CAMKK2: variants seen among roughly 807,000 people sequenced by gnomAD.
The protein encoded by CAMKK2 is calcium/calmodulin-dependent protein kinase kinase 2.
Under a neutral mutation model 67.2 loss-of-function variants are expected in CAMKK2, and 30 were observed. The ratio of observed to expected loss-of-function variants is 0.45; its 90% CI spans 0.33 to 0.61. The LOEUF is 0.61. CAMKK2 is among the 20% of genes least tolerant of loss of function. The probability of loss-of-function intolerance (pLI) is 0.02; values close to 1 mark genes in which losing one functional copy is unlikely to be tolerated. For missense variants in CAMKK2, 643 were observed against 802.0 expected, an observed-to-expected ratio of 0.80 and a Z score of 2.39; for synonymous variants, 322 against 326.2, an observed-to-expected ratio of 0.99 and a Z score of 0.14.
chr12:121,274,451 T>C lies in CAMKK2; in HGVS notation c.76A>G (p.Ser26Gly), dbSNP rs768699149. 6.2e-7 allele frequency: 1 copy of C among 1,613,074 alleles called. No homozygotes were observed. ...CAGGGCTTCTGGCTTTCGCTGCTGC[T>C]GCTGCCCCTGCCCCCCAGCTCATCC... ...PQDELGGRGS[S>G]SSESQKPCEA... The change falls in exon 2 of 17, where the codon AGC (serine) becomes GGC (glycine). Residue 26 changes from serine to glycine, a missense_variant. Physicochemically the swap from Ser to Gly is moderately conservative, Grantham distance 56 (BLOSUM62 0). Coordinates refer to ENST00000404169, the MANE Select transcript of CAMKK2 (RefSeq NM_001270485.2).
Position 121,240,397 on chromosome 12 carries a change from G to C in CAMKK2, c.*302C>G. 6.7e-7 allele frequency: 1 copy of C among 1,484,526 alleles called. No individual in the cohort carries two copies. Among genetic ancestry groups the C allele is most frequent in the East Asian group, 2.5e-5 (1 of 40,604 alleles). 92.0% of individuals were successfully genotyped at this position (1,484,526 alleles called of 1,614,324 possible). On this transcript the variant is annotated 3_prime_UTR_variant, in exon 17 of 17. Coordinates refer to ENST00000404169, the MANE Select transcript of CAMKK2 (RefSeq NM_001270485.2). The surrounding 1 kb of genome is among the most constrained non-coding windows in gnomAD (Gnocchi z 4.4). ...ACGTGGTTCTGAAAATCACAATGAA[G>C]GATTTTTGGCATAAAAACGTTTTAA...
intron 1 of CAMKK2, among the ~76,000 whole-genome samples, chr12:121,275,139 G>A (rs1298623817): frequency 6.6e-6 from 1 of 152,082 alleles, no homozygotes; most frequent in Non-Finnish European, 1.5e-5. Flanking sequence ...GAAGCCCTAA[G>A]GAGGTTAATA....
rs1320784197 is a variant in CAMKK2 at position 121,266,325 on chromosome 12, T to C, written c.625+2313A>G. Among the ~76,000 whole-genome samples the C allele has an allele frequency of 2.0e-5, 3 of 151,784 alleles. No individual in the cohort carries two copies. In the East Asian group the frequency reaches 5.8e-4, roughly 29 times the overall value. On this transcript the variant is annotated intron_variant, in intron 5 of 16. Transcript: ENST00000404169. ...TCGTACGTTGTTACAGGACACCATT[T>C]GTTATTTTGTTAAGACAAGAGGTAA...
At chr12:121,289,822 G>A (rs1234442049) in intron 1 of CAMKK2, among the ~76,000 whole-genome samples, 1 of 151,704 alleles carries the variant, frequency 6.6e-6, no homozygotes, top group African/African-American at 2.4e-5. Context: ...GAACCCAGGA[G>A]GCAGAGGTTG....
intron 11 of CAMKK2, among the ~76,000 whole-genome samples, chr12:121,251,735 G>A (rs1345017843): frequency 2.6e-5 from 4 of 151,044 alleles, no homozygotes; most frequent in Admixed American, 1.3e-4. Flanking sequence ...GCTGAGGCAG[G>A]AGAATGGCTT....
chr12:121,284,096 C>T (rs1163197472), intron 1 of CAMKK2, among the ~76,000 whole-genome samples: 1 of 152,264 alleles, frequency 6.6e-6, no homozygotes, highest in Non-Finnish European at 1.5e-5. Context: ...CATCTCATGC[C>T]CTGCCTCTCC....
intron 1 of CAMKK2, among the ~76,000 whole-genome samples, chr12:121,283,384 G>A (rs1212981972): frequency 6.6e-6 from 1 of 152,106 alleles, no homozygotes; most frequent in Non-Finnish European, 1.5e-5. Flanking sequence ...AAAAACAAAG[G>A]CCCTCCCTTG....
intron 13 of CAMKK2, among the ~76,000 whole-genome samples, chr12:121,249,451 A>G (rs1890197959): frequency 6.6e-6 from 1 of 152,166 alleles, no homozygotes; most frequent in African/African-American, 2.4e-5. Context: ...TCTCAAAGGG[A>G]CGGGCCTTTG....
chr12:121,282,087 C>A (rs1369240557), intron 1 of CAMKK2, among the ~76,000 whole-genome samples: 1 of 152,044 alleles, frequency 6.6e-6, no homozygotes, highest in Non-Finnish European at 1.5e-5. Context: ...TCTTGGTGAA[C>A]GTCTATTAGG....
chr12:121,279,142 A>G (rs750998056), intron 1 of CAMKK2, among the ~76,000 whole-genome samples: 8 of 152,252 alleles, frequency 5.3e-5, no homozygotes, highest in Non-Finnish European at 8.8e-5. Context: ...GCTGCTTTTA[A>G]TCGGCCTCCT....
At chr12:121,270,239 G>A (rs1391818051) in intron 3 of CAMKK2, among the ~76,000 whole-genome samples, 3 of 151,902 alleles carry the variant, frequency 2.0e-5, no homozygotes, top group Non-Finnish European at 4.4e-5. Flanking sequence ...GTGTGGTGGT[G>A]CACACCTGTA....
At chr12:121,270,659 C>T (rs1292479121) in intron 3 of CAMKK2, among the ~76,000 whole-genome samples, 2 of 152,136 alleles carry the variant, frequency 1.3e-5, no homozygotes, top group Non-Finnish European at 2.9e-5. Context: ...ATGTAACTAT[C>T]ACCAAGGCGA....
intron 16 of CAMKK2, among the ~76,000 whole-genome samples, chr12:121,242,425 C>G (rs946848963): frequency 2.0e-5 from 3 of 152,128 alleles, no homozygotes; most frequent in Non-Finnish European, 4.4e-5. Flanking sequence ...AGGAGGCAGC[C>G]CCGGTTTGGC....
rs111557268 is a variant in CAMKK2, at chr12:121,285,880, T to G, written c.-60+10758A>C. On this transcript the variant is annotated intron_variant, in intron 1 of 16. Transcript: ENST00000404169. The surrounding 1 kb of genome is among the most constrained non-coding windows in gnomAD (Gnocchi z 4.1). ...TTATTCTGTGATTTTGTGGAAGTGTTGAAAAGAAAGAATGTCCTTTCTGTT... is the reference window on the plus strand; with the variant it reads ...TTATTCTGTGATTTTGTGGAAGTGTGGAAAAGAAAGAATGTCCTTTCTGTT... Among the ~76,000 whole-genome samples, 1,516 of 152,200 alleles carry G rather than the reference T, an allele frequency of 1.0e-2. 18 individuals carry two copies. Among genetic ancestry groups the G allele is most frequent in the African/African-American group, 0.034 (1,431 of 41,516 alleles).
intron 7 of CAMKK2, among the ~76,000 whole-genome samples, chr12:121,259,140 T>C (rs1194608988): frequency 6.6e-6 from 1 of 152,034 alleles, no homozygotes; most frequent in African/African-American, 2.4e-5. Flanking sequence ...CTGTGCCCGA[T>C]CCAAGTTCTT....
intron 1 of CAMKK2, among the ~76,000 whole-genome samples, chr12:121,293,261 G>C (rs1164576322): frequency 2.0e-5 from 3 of 152,148 alleles, no homozygotes; most frequent in African/African-American, 7.2e-5. Context: ...CGGGCAACAA[G>C]AGGGAAACTC....
chr12:121,262,731 T>A (rs1371143670), intron 6 of CAMKK2, among the ~76,000 whole-genome samples: 10 of 151,996 alleles, frequency 6.6e-5, no homozygotes, highest in Non-Finnish European at 1.3e-4. Context: ...GCTAATTTTT[T>A]AAATTTTTTG....
chr12:121,276,357 A>C (rs1896813169), intron 1 of CAMKK2, among the ~76,000 whole-genome samples: 1 of 151,690 alleles, frequency 6.6e-6, no homozygotes, highest in South Asian at 2.1e-4. Context: ...AATCCCAGCT[A>C]CTCGGGAGGC....
intron 9 of CAMKK2, 28 bp downstream of exon 9, chr12:121,255,522 T>G: frequency 6.3e-7 from 1 of 1,579,156 alleles, no homozygotes; most frequent in Non-Finnish European, 8.7e-7. Flanking sequence ...ACCCACTGGG[T>G]GAGAGCCCTC....
Sources: allele counts gnomAD v4.1 joint callset (sites outside exome capture counted in the v4.1 genomes callset), GRCh38; gene constraint gnomAD v4.1.1; non-coding constraint Gnocchi (gnomAD v3.1); transcripts MANE v1.5; gene names NCBI Gene and HGNC (gene_info 2026-07-23, HGNC 2026-07-21).